Variants in EHMT1 observed in about 807,000 individuals in gnomAD.
EHMT1 encodes euchromatic histone lysine methyltransferase 1.
EHMT1 carries 15 observed loss-of-function variants against 147.2 expected under a neutral mutation model. The observed-to-expected ratio is 0.10, with a 90% confidence interval of 0.07 to 0.16. EHMT1 has a LOEUF of 0.16. EHMT1 is among the 10% of genes least tolerant of loss of function. The pLI is 1.00. For missense variants in EHMT1, 1,587 were observed against 1,772.4 expected (o/e 0.90, Z 1.88); for synonymous variants, 795 against 709.6 (o/e 1.12, Z -1.91).
rs1947133279 is a variant in EHMT1 at position 137,731,764 on chromosome 9, C to T, written c.823+3235C>T. On this transcript the variant is annotated intron_variant, in intron 4 of 26. Coordinates refer to ENST00000460843, the MANE Select transcript of EHMT1 (RefSeq NM_024757.5). The surrounding 1 kb of genome is among the most constrained non-coding windows in gnomAD (Gnocchi z 4.3). ...GCCCAGATCCCACACCTTCCGAGGG[C>T]AAGCCAGGAGTGGAGCAGCGAGGCG... Among the ~76,000 whole-genome samples, 1 of 152,152 alleles carries T rather than the reference C, an allele frequency of 6.6e-6. No individual in the cohort carries two copies. The highest frequency in any genetic ancestry group is 2.1e-4 in the South Asian group (1 of 4,834).
chr9:137,645,963 T>C (rs1274705534), intron 1 of EHMT1, among the ~76,000 whole-genome samples: 1 of 152,154 alleles, frequency 6.6e-6, no homozygotes, highest in Non-Finnish European at 1.5e-5. Flanking sequence ...ACTTCTATTT[T>C]TACTTTTTTT....
At chr9:137,702,892 G>A (rs907076563) in intron 1 of EHMT1, among the ~76,000 whole-genome samples, 1 of 152,254 alleles carries the variant, frequency 6.6e-6, no homozygotes, top group African/African-American at 2.4e-5. Context: ...TCCTGCCTCA[G>A]CTTCCTGAGT....
intron 7 of EHMT1, among the ~76,000 whole-genome samples, chr9:137,753,568 C>T (rs1949145264): frequency 6.6e-6 from 1 of 152,198 alleles, no homozygotes; most frequent in African/African-American, 2.4e-5. Flanking sequence ...CGTGCTGCTG[C>T]TGTGCCTACC....
At chr9:137,719,171 C>T (rs1477825962) in intron 3 of EHMT1, among the ~76,000 whole-genome samples, 1 of 152,220 alleles carries the variant, frequency 6.6e-6, no homozygotes, top group Non-Finnish European at 1.5e-5. Context: ...AGTGGGGGTT[C>T]TCTTGGACTT....
In EHMT1 at chr9:137,716,580, G is replaced by T. The variant is rs760126528; in HGVS notation, c.86-46G>T. ...GAAGTGGTGGTGGTGGTGGTGCCATGGAGAGCGTGGCCTGCAGTCAGTGAC... is the reference window on the plus strand; with the variant it reads ...GAAGTGGTGGTGGTGGTGGTGCCATTGAGAGCGTGGCCTGCAGTCAGTGAC... On this transcript the variant is annotated intron_variant, in intron 2 of 26. Coordinates refer to ENST00000460843, the MANE Select transcript of EHMT1 (RefSeq NM_024757.5). 3 of 1,525,710 alleles carry T rather than the reference G, an allele frequency of 2.0e-6. No homozygotes were observed. The South Asian group carries it at 3.9e-5, about 20-fold the overall frequency. 94.5% of individuals were successfully genotyped at this position (1,525,710 alleles called of 1,614,324 possible). A position where few individuals can be genotyped will look rare whatever the true frequency, so the allele number is the denominator to read the frequency against.
intron 4 of EHMT1, among the ~76,000 whole-genome samples, chr9:137,734,719 T>C (rs1042349336): frequency 1.3e-5 from 2 of 152,188 alleles, no homozygotes; most frequent in Admixed American, 6.5e-5. Context: ...AAGAGACTCA[T>C]CACATACACG....
chr9:137,799,501 T>C (rs578170156), intron 17 of EHMT1, among the ~76,000 whole-genome samples: 38 of 152,156 alleles, frequency 2.5e-4, no homozygotes, highest in African/African-American at 8.7e-4. Flanking sequence ...GCCTCACGAG[T>C]GAATGACTGG....
At chr9:137,770,498 C>T (rs1950521788) in intron 10 of EHMT1, among the ~76,000 whole-genome samples, 1 of 152,202 alleles carries the variant, frequency 6.6e-6, no homozygotes, top group African/African-American at 2.4e-5. Context: ...GACTTTTCAA[C>T]CTCAATATTT....
chr9:137,726,485 G>A (rs962742190), intron 3 of EHMT1, among the ~76,000 whole-genome samples: 12 of 152,166 alleles, frequency 7.9e-5, no homozygotes, highest in South Asian at 2.1e-4. Flanking sequence ...ACGTCACTGC[G>A]TTTTGCACAC....
At chr9:137,712,236 T>C (rs1944805795) in intron 2 of EHMT1, among the ~76,000 whole-genome samples, 1 of 152,234 alleles carries the variant, frequency 6.6e-6, no homozygotes, top group Admixed American at 6.5e-5. Flanking sequence ...TCCTTTGACC[T>C]TCCTAGTGGA....
chr9:137,810,056 G>A (rs1262851203), intron 18 of EHMT1, among the ~76,000 whole-genome samples: 3 of 112,706 alleles, frequency 2.7e-5, no homozygotes, highest in Non-Finnish European at 4.7e-5. Context: ...CGCCCCGTGT[G>A]GACCGTCGGT....
intron 1 of EHMT1, among the ~76,000 whole-genome samples, chr9:137,709,817 AGTT>A (rs1177545117): frequency 6.6e-6 from 1 of 151,972 alleles, no homozygotes; most frequent in Non-Finnish European, 1.5e-5. Flanking sequence ...TGCCTCCCTC[AGTT>A]GTTCCTATTT....
chr9:137,668,726 G>C (rs886543041), intron 1 of EHMT1, among the ~76,000 whole-genome samples: 1 of 123,168 alleles, frequency 8.1e-6, no homozygotes, highest in East Asian at 1.9e-4. Flanking sequence ...ACTTAACTTA[G>C]TGTTTTCTTT....
intron 1 of EHMT1, among the ~76,000 whole-genome samples, chr9:137,628,058 T>C (rs1843382113): frequency 6.6e-6 from 1 of 152,198 alleles, no homozygotes; most frequent in African/African-American, 2.4e-5. Context: ...GTCTTGTGGC[T>C]ACAGAAGACC....
At chr9:137,752,447 A>G (rs1358587514) in intron 7 of EHMT1, 39 bp downstream of exon 7, 1 of 1,602,306 alleles carries the variant, frequency 6.2e-7, no homozygotes, top group South Asian at 1.1e-5. Context: ...GTGCTGATGT[A>G]GAGGAGATGC....
chr9:137,817,977 G>A, intron 24 of EHMT1, 83 bp from the exon 25 acceptor site: 1 of 1,317,102 alleles, frequency 7.6e-7, no homozygotes, highest in African/African-American at 1.4e-5. Flanking sequence ...CTCTTTCCCT[G>A]TGGCTGCGGA....
intron 2 of EHMT1, among the ~76,000 whole-genome samples, chr9:137,714,819 G>A (rs1422180753): frequency 6.6e-6 from 1 of 152,074 alleles, no homozygotes; most frequent in African/African-American, 2.4e-5. Flanking sequence ...AAAGTGCTGG[G>A]ATTACAGGCA....
chr9:137,754,032 C>T, intron 7 of EHMT1, 139 bp from the exon 8 acceptor site: 1 of 1,440,462 alleles, frequency 6.9e-7, no homozygotes, highest in Non-Finnish European at 9.7e-7. Flanking sequence ...AGCAAAATGT[C>T]TACAAGTTAA....
chr9:137,701,768 C>G lies in EHMT1; in HGVS notation c.22-9199C>G, dbSNP rs556310783. ...TCAGCCTCCTGAATAGCTGGGATTA[C>G]AGGCACGCGCCACCATGCCTGGTTA... On this transcript the variant is annotated intron_variant, in intron 1 of 26. Coordinates refer to ENST00000460843, the MANE Select transcript of EHMT1 (RefSeq NM_024757.5). Among the ~76,000 whole-genome samples, 147 of 146,472 alleles carry G rather than the reference C, an allele frequency of 1.0e-3. 1 individual carries two copies. Among genetic ancestry groups the G allele is most frequent in the African/African-American group, 3.6e-3 (143 of 39,266 alleles).
Sources: allele counts gnomAD v4.1 joint callset (sites outside exome capture counted in the v4.1 genomes callset), GRCh38; gene constraint gnomAD v4.1.1; non-coding constraint Gnocchi (gnomAD v3.1); transcripts MANE v1.5; gene names NCBI Gene and HGNC (gene_info 2026-07-23, HGNC 2026-07-21).